PDE4D: variants seen among roughly 807,000 people sequenced by gnomAD.
PDE4D encodes phosphodiesterase 4D.
PDE4D carries 24 observed loss-of-function variants against 87.4 expected under a neutral mutation model. That is an observed-to-expected ratio of 0.27 (90% confidence interval 0.20 to 0.39). The LOEUF (loss-of-function observed/expected upper bound fraction) is 0.39. Among genes scored for constraint, PDE4D ranks in the 10% least tolerant of loss-of-function variants. PDE4D has a pLI of 1.00. For missense variants in PDE4D, 714 were observed against 1,041.0 expected, an observed-to-expected ratio of 0.69 and a Z score of 4.32; for synonymous variants, 384 against 383.2, an observed-to-expected ratio of 1.00 and a Z score of -0.02.
At chr5:59,395,548 A>C (rs13179935) in intron 1 of PDE4D, among the ~76,000 whole-genome samples, 62,379 of 149,946 alleles carry the variant, frequency 0.42, 13,276 homozygotes, top group East Asian at 0.48. Flanking sequence ...AAACTAACAA[A>C]CAGAAAGGAC....
intron 1 of PDE4D, among the ~76,000 whole-genome samples, chr5:59,760,442 A>G (rs560994486): frequency 6.6e-6 from 1 of 152,310 alleles, no homozygotes; most frequent in East Asian, 1.9e-4. Flanking sequence ...CAAGAATTAT[A>G]AAAATTATAC....
At chr5:59,598,175 CTGT>C (rs1174124186) in intron 1 of PDE4D, among the ~76,000 whole-genome samples, 8 of 152,132 alleles carry the variant, frequency 5.3e-5, no homozygotes, top group African/African-American at 1.7e-4. Context: ...GTGATTTTAT[CTGT>C]TGTTTTTAGT....
chr5:60,250,581 T>C (rs1268038670), intron 1 of PDE4D, among the ~76,000 whole-genome samples: 2 of 151,966 alleles, frequency 1.3e-5, no homozygotes, highest in Non-Finnish European at 2.9e-5. Flanking sequence ...GTTATTAATA[T>C]ACCATAGGCA....
At chr5:59,325,761 C>T (rs951931374) in intron 1 of PDE4D, among the ~76,000 whole-genome samples, 8 of 152,056 alleles carry the variant, frequency 5.3e-5, no homozygotes, top group Admixed American at 1.3e-4. Flanking sequence ...TGACAGTCTG[C>T]TTATTCACTA....
chr5:60,081,147 A>G (rs1773888981), intron 2 of PDE4D, among the ~76,000 whole-genome samples: 1 of 151,748 alleles, frequency 6.6e-6, no homozygotes, highest in African/African-American at 2.4e-5. Flanking sequence ...TTTCTTCTAG[A>G]TTTTCTAGTG....
At chr5:59,273,081 A>G (rs763708020) in intron 1 of PDE4D, among the ~76,000 whole-genome samples, 10 of 152,192 alleles carry the variant, frequency 6.6e-5, no homozygotes, top group Non-Finnish European at 1.5e-4. Flanking sequence ...TGTCCCAAGA[A>G]CAAAGTATTT....
intron 1 of PDE4D, among the ~76,000 whole-genome samples, chr5:59,758,793 C>T (rs1398542482): frequency 6.6e-6 from 1 of 152,152 alleles, no homozygotes; most frequent in Non-Finnish European, 1.5e-5. Context: ...TACTTTCTTA[C>T]AGCAGCAAGT....
intron 3 of PDE4D, among the ~76,000 whole-genome samples, chr5:59,940,034 A>G (rs367888903): frequency 6.6e-6 from 1 of 152,202 alleles, no homozygotes; most frequent in African/African-American, 2.4e-5. Flanking sequence ...AAGGAAGTCC[A>G]TAACAGAGAG....
chr5:59,120,765 G>T (rs1304099870), intron 5 of PDE4D, among the ~76,000 whole-genome samples: 1 of 151,936 alleles, frequency 6.6e-6, no homozygotes, highest in African/African-American at 2.4e-5. Flanking sequence ...CACACTACCT[G>T]ACTTCAAGAT....
At chr5:59,964,891 G>A (rs914658569) in intron 3 of PDE4D, among the ~76,000 whole-genome samples, 13 of 152,134 alleles carry the variant, frequency 8.5e-5, no homozygotes, top group African/African-American at 2.9e-4. Flanking sequence ...TGGCTCCATG[G>A]TATTGCTTAA....
At chr5:59,266,810 T>C (rs575224519) in intron 1 of PDE4D, among the ~76,000 whole-genome samples, 1 of 152,038 alleles carries the variant, frequency 6.6e-6, no homozygotes, top group Non-Finnish European at 1.5e-5. Context: ...AACAGAACTA[T>C]GTGTAGCCAA....
chr5:59,472,955 C>T (rs968714355), intron 1 of PDE4D, among the ~76,000 whole-genome samples: 1 of 151,756 alleles, frequency 6.6e-6, no homozygotes. Context: ...TCTCTTTAAT[C>T]CCATCAGACA....
At chr5:59,198,627 G>C (rs1039974094) in intron 2 of PDE4D, among the ~76,000 whole-genome samples, 3 of 152,180 alleles carry the variant, frequency 2.0e-5, no homozygotes, top group African/African-American at 7.2e-5. Flanking sequence ...TCCTGAGCCA[G>C]CGCTGTTGAA....
intron 1 of PDE4D, among the ~76,000 whole-genome samples, chr5:59,560,055 T>C (rs1056215209): frequency 2.2e-4 from 34 of 152,008 alleles, no homozygotes; most frequent in African/African-American, 8.2e-4. Flanking sequence ...AGCCTTGTTT[T>C]GCAATGTTTC....
chr5:60,499,777 C>A (rs1279899034), intron 1 of PDE4D, among the ~76,000 whole-genome samples: 1 of 152,180 alleles, frequency 6.6e-6, no homozygotes, highest in Non-Finnish European at 1.5e-5. Context: ...GAGAGTTGCA[C>A]TGCTGGCCCA....
intron 6 of PDE4D, among the ~76,000 whole-genome samples, chr5:58,999,325 T>C (rs1292547400): frequency 6.6e-6 from 1 of 152,168 alleles, no homozygotes; most frequent in African/African-American, 2.4e-5. Context: ...CTGATGAAAG[T>C]TATACAATCT....
chr5:60,459,574 G>C (rs1044195225), intron 1 of PDE4D, among the ~76,000 whole-genome samples: 2 of 151,964 alleles, frequency 1.3e-5, no homozygotes, highest in African/African-American at 4.8e-5. Context: ...CAGAATGAAA[G>C]GAGCAGGTTT....
chr5:60,320,948 A>T (rs1260700225), intron 1 of PDE4D, among the ~76,000 whole-genome samples: 1 of 152,252 alleles, frequency 6.6e-6, no homozygotes, highest in African/African-American at 2.4e-5. Flanking sequence ...TGTAGGAAGA[A>T]TCAATGTTGT....
intron 1 of PDE4D, among the ~76,000 whole-genome samples, chr5:59,239,699 T>G (rs1216173595): frequency 6.6e-6 from 1 of 152,166 alleles, no homozygotes; most frequent in Non-Finnish European, 1.5e-5. Flanking sequence ...GCTTTAACTC[T>G]AGGTTCCCAA....
Sources: gnomAD v4.1 joint callset for allele counts (sites outside exome capture counted in the v4.1 genomes callset) on GRCh38, gnomAD v4.1.1 for gene constraint, MANE v1.5 for transcripts, NCBI Gene and HGNC (gene_info 2026-07-23, HGNC 2026-07-21) for gene names.